The following SLFN12L variants were observed in gnomAD, a reference collection of about 807,000 sequenced individuals.
The protein encoded by SLFN12L is schlafen family member 12-like.
A neutral mutation model predicts 34.8 loss-of-function variants in SLFN12L; 34 were observed. The ratio of observed to expected loss-of-function variants is 0.98; its 90% confidence interval spans 0.74 to 1.30. The LOEUF is 1.30. SLFN12L is among the 50% of genes most tolerant of loss of function. The pLI is 0.00. For missense variants in SLFN12L, 703 were observed against 696.2 expected (o/e 1.01, Z -0.11); for synonymous variants, 259 against 247.5 (o/e 1.05, Z -0.44).
intron 2 of SLFN12L, among the ~76,000 whole-genome samples, chr17:35,501,918 A>T (rs1196059284): frequency 6.6e-6 from 1 of 152,052 alleles, no homozygotes; most frequent in Non-Finnish European, 1.5e-5. Flanking sequence ...CAGCAGCATA[A>T]GCGGCTGGCA....
chr17:35,479,560 G>A lies in SLFN12L; in HGVS notation c.722C>T (p.Thr241Ile). ...ELGYKEKLTFTESTHVEIKNF... is the reference protein window; with the variant it reads ...ELGYKEKLTFIESTHVEIKNF... ...TTTTATTTCAACGTGTGTGGATTCA[G>A]TAAAGGTCAATTTTTCTTTATAACC... Residue 241 changes from threonine (T) to isoleucine (I), a missense_variant, in exon 3 of 5, where the codon ACT (threonine) becomes ATT (isoleucine). Coordinates refer to ENST00000628453, the MANE Select transcript of SLFN12L (RefSeq NM_001363830.2). 6.2e-7 allele frequency: 1 copy of A among 1,613,940 alleles called. No homozygotes were observed. The highest frequency in any genetic ancestry group is 8.5e-7 in the Non-Finnish European group (1 of 1,179,982).
Position 35,522,809 on chromosome 17 carries a change from C to T in SLFN12L, c.-445G>A, listed in dbSNP as rs1311867131. ...GAGCATCACAGATGACTCCTGGCTT[C>T]TCCTGCAAATTCAGGTCCACAGCCT... On this transcript the variant is annotated 5_prime_UTR_variant, in exon 2 of 5. Transcript: ENST00000628453. 2.0e-6 allele frequency: 3 copies of T among 1,479,884 alleles called. No individual in the cohort carries two copies. Among genetic ancestry groups the T allele is most frequent in the Non-Finnish European group, 2.8e-6 (3 of 1,067,912 alleles). The allele number at this position is 1,479,884 out of a possible 1,614,324, so 91.7% of individuals were successfully genotyped here. A position where few individuals can be genotyped will look rare whatever the true frequency, so the allele number is the denominator to read the frequency against.
At chr17:35,493,404 A>G (rs1254560208) in intron 2 of SLFN12L, among the ~76,000 whole-genome samples, 1 of 152,200 alleles carries the variant, frequency 6.6e-6, no homozygotes, top group African/African-American at 2.4e-5. Flanking sequence ...TCTCTTTGCC[A>G]GCTGCACAAA....
Position 35,475,110 on chromosome 17 carries a change from C to T in SLFN12L, c.1652G>A (p.Cys551Tyr). The T allele has an allele frequency of 6.2e-7, 1 of 1,614,196 alleles. No individual in the cohort carries two copies. The highest frequency in any genetic ancestry group is 8.5e-7 in the Non-Finnish European group (1 of 1,180,030). ...FYLSPEGKTS[C>Y]QYDLNSQVIY... is the part of the protein sequence containing the mutation. ...TACTTGCGAGTTTAAATCATACTGG[C>T]AGCTTGTCTTGCCTTCAGGGCTCAA... Residue 551 changes from cysteine (C) to tyrosine (Y), a missense_variant, in exon 5 of 5, where the codon TGC (cysteine) becomes TAC (tyrosine). Cys to Tyr is a radical substitution (Grantham distance 194, BLOSUM62 -2). Transcript: ENST00000628453.
At chr17:35,528,156 C>G (rs1486078559) in intron 1 of SLFN12L, among the ~76,000 whole-genome samples, 1 of 152,114 alleles carries the variant, frequency 6.6e-6, no homozygotes, top group African/African-American at 2.4e-5. Context: ...ATGTGAAGGA[C>G]CTCTTCAAGG....
At chr17:35,498,438 G>T in intron 2 of SLFN12L, 1 of 1,305,506 alleles carries the variant, frequency 7.7e-7, no homozygotes, top group Non-Finnish European at 1.1e-6. Context: ...AGTACAGTTT[G>T]GACGACTGCG....
rs754168891 is a variant in SLFN12L, at chr17:35,475,094, G to A, written c.1668C>T (p.Asn556=). 1 of 1,614,142 alleles carries A rather than the reference G, an allele frequency of 6.2e-7. No homozygotes were observed. The highest frequency in any genetic ancestry group is 8.5e-7 in the Non-Finnish European group (1 of 1,179,956). Residue 556 remains asparagine, a synonymous_variant, in exon 5 of 5, where the codon AAC becomes AAT. Transcript: ENST00000628453. ...AGGATTCAGGGTAAATTACTTGCGA[G>A]TTTAAATCATACTGGCAGCTTGTCT... ...EGKTSCQYDL[N]SQVIYPESYY...
chr17:35,488,080 G>T (rs1051913971), intron 2 of SLFN12L, among the ~76,000 whole-genome samples: 12 of 152,200 alleles, frequency 7.9e-5, no homozygotes, highest in South Asian at 2.1e-4. Context: ...ATGGTAGCGG[G>T]CGCCTGTAGT....
At chr17:35,535,241 A>G (rs2072447894) in intron 1 of SLFN12L, among the ~76,000 whole-genome samples, 3 of 141,334 alleles carry the variant, frequency 2.1e-5, no homozygotes, top group South Asian at 4.4e-4. Context: ...CCCAGGCTGG[A>G]GTGCAATGGC....
chr17:35,466,174 C>T lies in SLFN12L; in HGVS notation c.*8749G>A, dbSNP rs898307363. Among the ~76,000 whole-genome samples the T allele has an allele frequency of 6.6e-6, 1 of 152,100 alleles. No homozygotes were observed. Among genetic ancestry groups the T allele is most frequent in the Non-Finnish European group, 1.5e-5 (1 of 68,014 alleles). ...CATCATAATCACTCAAAATCCATTG[C>T]GACTTTTACATTAGCGTTCATTCTT... On this transcript the variant is annotated 3_prime_UTR_variant, in exon 5 of 5. Transcript: ENST00000628453.
At chr17:35,524,092 G>C (rs1237653747) in intron 1 of SLFN12L, among the ~76,000 whole-genome samples, 1 of 152,130 alleles carries the variant, frequency 6.6e-6, no homozygotes, top group Admixed American at 6.5e-5. Flanking sequence ...ATTGTTTATT[G>C]TTCATTGTTG....
intron 2 of SLFN12L, among the ~76,000 whole-genome samples, chr17:35,521,149 G>A (rs1657272787): frequency 1.3e-5 from 2 of 152,078 alleles, no homozygotes. Flanking sequence ...AAACTATCCA[G>A]GTCTTCAAAA....
chr17:35,493,908 G>C (rs1476855717), intron 2 of SLFN12L, among the ~76,000 whole-genome samples: 1 of 152,054 alleles, frequency 6.6e-6, no homozygotes, highest in African/African-American at 2.4e-5. Context: ...TCTTAGTTGT[G>C]GTTCTTCTTT....
chr17:35,513,463 A>G (rs1311435951), intron 2 of SLFN12L, among the ~76,000 whole-genome samples: 1 of 152,256 alleles, frequency 6.6e-6, no homozygotes, highest in Non-Finnish European at 1.5e-5. Flanking sequence ...GGATCTCCCC[A>G]CAGATTTTTA....
At position 35,479,173 on chromosome 17, in the gene SLFN12L, C is replaced by CT. The variant is rs746861944; in HGVS notation, c.1108dup (p.Arg370LysfsTer3). The CT allele has an allele frequency of 6.3e-7, 1 of 1,576,902 alleles. No individual in the cohort carries two copies. The highest frequency in any genetic ancestry group is 8.6e-7 in the Non-Finnish European group (1 of 1,159,702). ...TTCCTTCTCGGTCAACTGCTTAACT[C>CT]TGTTATCTTTCACGTGCCAGGAATC... On this transcript the variant is annotated frameshift_variant, in exon 3 of 5. Coordinates refer to ENST00000628453, the MANE Select transcript of SLFN12L (RefSeq NM_001363830.2). LOFTEE classifies it high-confidence loss of function.
intron 2 of SLFN12L, among the ~76,000 whole-genome samples, chr17:35,506,857 A>T (rs1033028163): frequency 1.3e-5 from 2 of 152,242 alleles, no homozygotes; most frequent in Non-Finnish European, 2.9e-5. Context: ...CTCAATCATT[A>T]GACAATACTG....
chr17:35,503,777 G>T (rs76653869), intron 2 of SLFN12L, among the ~76,000 whole-genome samples: 1 of 151,470 alleles, frequency 6.6e-6, no homozygotes, highest in African/African-American at 2.4e-5. Flanking sequence ...TGGTAAACCC[G>T]CACCAGCCTG....
chr17:35,534,327 A>G (rs1280604910), intron 1 of SLFN12L, among the ~76,000 whole-genome samples: 2 of 152,192 alleles, frequency 1.3e-5, no homozygotes, highest in Non-Finnish European at 2.9e-5. Flanking sequence ...GTCCCACTGC[A>G]CTCCAGCCTG....
chr17:35,500,641 A>ATC (rs1915260642), intron 2 of SLFN12L, among the ~76,000 whole-genome samples: 2 of 151,908 alleles, frequency 1.3e-5, no homozygotes, highest in African/African-American at 4.8e-5. Flanking sequence ...AGGCAGGAGA[A>ATC]TGGCATGAAC....
Sources: allele counts gnomAD v4.1 joint callset (sites outside exome capture counted in the v4.1 genomes callset), GRCh38; gene constraint gnomAD v4.1.1; transcripts MANE v1.5; gene names NCBI Gene and HGNC (gene_info 2026-07-23, HGNC 2026-07-21).